Variants in NDST1 observed in about 807,000 individuals in gnomAD.
The protein encoded by NDST1 is bifunctional heparan sulfate N-deacetylase/N-sulfotransferase 1.
A neutral mutation model predicts 92.8 loss-of-function variants in NDST1; 35 were observed. The ratio of observed to expected loss-of-function variants is 0.38; its 90% CI spans 0.29 to 0.50. The LOEUF is 0.50. Among genes scored for constraint, NDST1 ranks in the 20% least tolerant of loss-of-function variants. The pLI, the probability that NDST1 is intolerant of heterozygous loss-of-function variation, is 0.94. For synonymous variants in NDST1, 493 were observed against 500.3 expected (o/e 0.99, Z 0.19); for missense variants, 822 against 1,182.7 (o/e 0.69, Z 4.47).
intron 4 of NDST1, among the ~76,000 whole-genome samples, chr5:150,534,644 A>G (rs1754901505): frequency 6.6e-6 from 1 of 152,246 alleles, no homozygotes; most frequent in Non-Finnish European, 1.5e-5. Flanking sequence ...TCTAGAGAGC[A>G]GATAGTCTTG....
intron 1 of NDST1, among the ~76,000 whole-genome samples, chr5:150,514,560 CAAAAAAAA>C (rs34675841): frequency 7.3e-5 from 4 of 55,090 alleles, no homozygotes; most frequent in Admixed American, 7.1e-4. Context: ...GACTCCGTCT[CAAAAAAAA>C]AAAAAAAAAA....
At position 150,527,931 on chromosome 5, in the gene NDST1, A is replaced by G; in HGVS notation, c.641A>G (p.Glu214Gly). ...SPLLYVTRPS[E>G]VEKGVLPGED... ...CTGCTCTACGTGACGCGACCTAGCGAGGTGGAGAAAGGTGTGCTCCCCGGC... is the reference window on the plus strand; with the variant it reads ...CTGCTCTACGTGACGCGACCTAGCGGGGTGGAGAAAGGTGTGCTCCCCGGC... The change falls in exon 3 of 15, where the codon GAG (glutamate) becomes GGG (glycine). Residue 214 changes from glutamate to glycine, a missense_variant. Transcript: ENST00000261797. The G allele has an allele frequency of 6.2e-7, 1 of 1,614,186 alleles. No individual in the cohort carries two copies. Among genetic ancestry groups the G allele is most frequent in the South Asian group, 1.1e-5 (1 of 91,080 alleles).
At position 150,541,619 on chromosome 5, in the gene NDST1, C is replaced by T. The variant is rs1581400154; in HGVS notation, c.1799C>T (p.Thr600Met). ...AAAGACATCTGGTCCAAGGAGAAGA[C>T]GTGTGACCGCTTCCCAAAGCTCCTC... ...RHKDIWSKEK[T>M]CDRFPKLLII... Residue 600 changes from threonine to methionine, a missense_variant, in exon 9 of 15, where the codon ACG (threonine) becomes ATG (methionine). Thr to Met is a moderately conservative substitution (Grantham distance 81). Coordinates refer to ENST00000261797, the MANE Select transcript of NDST1 (RefSeq NM_001543.5). 2 of 1,614,180 alleles carry T rather than the reference C, an allele frequency of 1.2e-6. No homozygotes were observed. Among genetic ancestry groups the T allele is most frequent in the Non-Finnish European group, 8.5e-7 (1 of 1,180,040 alleles).
intron 1 of NDST1, among the ~76,000 whole-genome samples, chr5:150,498,967 T>TC (rs1291807219): frequency 6.6e-6 from 1 of 152,112 alleles, no homozygotes; most frequent in African/African-American, 2.4e-5. Context: ...CCTCTGAAGT[T>TC]CTAGAGGTAC....
intron 1 of NDST1, among the ~76,000 whole-genome samples, chr5:150,500,928 C>T (rs1753200973): frequency 3.3e-5 from 5 of 152,238 alleles, no homozygotes; most frequent in Admixed American, 3.3e-4. Context: ...CCACCTCCCT[C>T]TGCAGGGGCA....
chr5:150,500,497 A>T (rs907593439), intron 1 of NDST1, among the ~76,000 whole-genome samples: 3 of 152,240 alleles, frequency 2.0e-5, no homozygotes, highest in Middle Eastern at 3.2e-3. Context: ...TGGAGAGGAT[A>T]ACACAGAGTG....
chr5:150,529,252 G>A (rs1444234510), intron 3 of NDST1, among the ~76,000 whole-genome samples: 1 of 151,924 alleles, frequency 6.6e-6, no homozygotes, highest in African/African-American at 2.4e-5. Flanking sequence ...TTAGCTGGGT[G>A]TGGTGGTAGT....
intron 1 of NDST1, among the ~76,000 whole-genome samples, chr5:150,500,209 G>A (rs1228991069): frequency 6.6e-6 from 1 of 152,236 alleles, no homozygotes; most frequent in Non-Finnish European, 1.5e-5. Flanking sequence ...AATGCATGCA[G>A]ATTGCTGCCC....
chr5:150,545,404 G>A lies in NDST1; in HGVS notation c.2063G>A (p.Arg688Gln), dbSNP rs564074121. ...ANYFDSEVAP[R>Q]RAAALLPKAK... ...TACTTTGATTCAGAAGTGGCGCCCCGGCGGGCAGCAGCCCTCTTGCCCAAA... is the reference window on the plus strand; with the variant it reads ...TACTTTGATTCAGAAGTGGCGCCCCAGCGGGCAGCAGCCCTCTTGCCCAAA... The change falls in exon 11 of 15, where the codon CGG becomes CAG. Residue 688 changes from arginine (R) to glutamine (Q), a missense_variant. By Grantham distance (43) the Arg-to-Gln change is conservative (BLOSUM62 1). Coordinates refer to ENST00000261797, the MANE Select transcript of NDST1 (RefSeq NM_001543.5). 1.5e-5 allele frequency: 25 copies of A among 1,614,236 alleles called. No individual in the cohort carries two copies. Among genetic ancestry groups the A allele is most frequent in the East Asian group, 1.3e-4 (6 of 44,884 alleles).
chr5:150,555,536 G>A lies in NDST1; in HGVS notation c.*2204G>A, dbSNP rs1478830293. 1 of 152,848 alleles carries A rather than the reference G, an allele frequency of 6.5e-6. No individual in the cohort carries two copies. Among genetic ancestry groups the A allele is most frequent in the African/African-American group, 2.4e-5 (1 of 41,450 alleles). The allele number at this position is 152,848 out of a possible 1,614,324, so 9.5% of individuals were successfully genotyped here. A position where few individuals can be genotyped will look rare whatever the true frequency, so the allele number is the denominator to read the frequency against. On this transcript the variant is annotated 3_prime_UTR_variant, in exon 15 of 15. Transcript: ENST00000261797. ...TGGGCCAGCAGGATGAGCAGCAAAG[G>A]GTCTGAGGACAGGGTGGCATGTCTG...
At chr5:150,528,436 C>A (rs1211987624) in intron 3 of NDST1, 138 bp downstream of exon 3, 11 of 972,458 alleles carry the variant, frequency 1.1e-5, no homozygotes, top group African/African-American at 1.6e-5. Context: ...CACTCTGCTT[C>A]CTGTCCTGCC....
intron 3 of NDST1, among the ~76,000 whole-genome samples, chr5:150,531,500 CTTTT>C (rs35747232): frequency 5.3e-5 from 7 of 131,138 alleles, no homozygotes; most frequent in Non-Finnish European, 6.5e-5. Flanking sequence ...CTTTTTCTCT[CTTTT>C]TTTTTTTTTT....
intron 9 of NDST1, among the ~76,000 whole-genome samples, chr5:150,541,941 C>T (rs971534748): frequency 2.0e-5 from 3 of 152,082 alleles, no homozygotes; most frequent in African/African-American, 4.8e-5. Flanking sequence ...TCAGAGAAGC[C>T]CAGATCAGTT....
rs976136325 is a variant in NDST1 at position 150,554,153 on chromosome 5, C to T, written c.*821C>T. The T allele has an allele frequency of 2.0e-5, 8 of 398,770 alleles. No individual in the cohort carries two copies. The highest frequency in any genetic ancestry group is 4.1e-5 in the African/African-American group (2 of 48,582). 24.7% of individuals were successfully genotyped at this position (398,770 alleles called of 1,614,324 possible). A position where few individuals can be genotyped will look rare whatever the true frequency, so the allele number is the denominator to read the frequency against. On this transcript the variant is annotated 3_prime_UTR_variant, in exon 15 of 15. Coordinates refer to ENST00000261797, the MANE Select transcript of NDST1 (RefSeq NM_001543.5). ...TCCCCACACCCTCCCAGCCTCAGGCCCAGGCAGACATGGGCGAGCTGGTGA... is the reference window on the plus strand; with the variant it reads ...TCCCCACACCCTCCCAGCCTCAGGCTCAGGCAGACATGGGCGAGCTGGTGA...
intron 3 of NDST1, 70 bp from the exon 4 acceptor site, chr5:150,532,875 G>A: frequency 7.3e-7 from 1 of 1,375,344 alleles, no homozygotes; most frequent in Non-Finnish European, 1.0e-6. Flanking sequence ...TTTTTTCACT[G>A]CCCTCAGTGG....
chr5:150,506,123 G>C (rs2151243162), upstream of NDST1, among the ~76,000 whole-genome samples: 1 of 152,248 alleles, frequency 6.6e-6, no homozygotes, highest in South Asian at 2.1e-4. Flanking sequence ...AAGAACCTTT[G>C]TTTTTGAGAG....
At chr5:150,546,613 C>T (rs908686273) in intron 11 of NDST1, among the ~76,000 whole-genome samples, 5 of 152,254 alleles carry the variant, frequency 3.3e-5, no homozygotes, top group Non-Finnish European at 7.3e-5. Context: ...GTCCCCTGTC[C>T]TGGCTGGGAC....
chr5:150,510,279 A>G (rs192412520), intron 1 of NDST1, among the ~76,000 whole-genome samples: 379 of 152,118 alleles, frequency 2.5e-3, no homozygotes, highest in African/African-American at 8.7e-3. Flanking sequence ...CCAGTAAGGG[A>G]GGTTATGATA....
Position 150,555,558 on chromosome 5 carries a change from T to C in NDST1, c.*2226T>C. The C allele has an allele frequency of 6.6e-6, 1 of 152,388 alleles. No individual in the cohort carries two copies. Among genetic ancestry groups the C allele is most frequent in the Non-Finnish European group, 1.5e-5 (1 of 68,096 alleles). 9.4% of individuals were successfully genotyped at this position (152,388 alleles called of 1,614,324 possible). A position where few individuals can be genotyped will look rare whatever the true frequency, so the allele number is the denominator to read the frequency against. ...AAGGGTCTGAGGACAGGGTGGCATG[T>C]CTGCTTGTGTGCTCATGAAGACATG... On this transcript the variant is annotated 3_prime_UTR_variant, in exon 15 of 15. Coordinates refer to ENST00000261797, the MANE Select transcript of NDST1 (RefSeq NM_001543.5).
Sources: allele counts gnomAD v4.1 joint callset (sites outside exome capture counted in the v4.1 genomes callset), GRCh38; gene constraint gnomAD v4.1.1; transcripts MANE v1.5; gene names NCBI Gene and HGNC (gene_info 2026-07-23, HGNC 2026-07-21).